ERC2: variants seen among roughly 807,000 people sequenced by gnomAD.
ERC2 encodes the protein ELKS/RAB6-interacting/CAST family member 2, also known as ERC protein 2.
Under a neutral mutation model 114.8 loss-of-function variants are expected in ERC2, and 42 were observed. The ratio of observed to expected loss-of-function variants is 0.37; its 90% CI spans 0.29 to 0.47. ERC2 has a LOEUF of 0.47. ERC2 is among the 20% of genes least tolerant of loss of function. ERC2 has a pLI of 0.99. For missense variants in ERC2, 939 were observed against 1,150.7 expected (o/e 0.82, Z 2.66); for synonymous variants, 454 against 425.5 (o/e 1.07, Z -0.82).
chr3:55,587,630 C>G (rs980472094), intron 17 of ERC2, among the ~76,000 whole-genome samples: 12 of 152,166 alleles, frequency 7.9e-5, no homozygotes, highest in African/African-American at 2.9e-4. Context: ...TTTAAACTTG[C>G]CTACTTACTG....
chr3:55,601,204 C>G (rs1048443344), intron 17 of ERC2, among the ~76,000 whole-genome samples: 2 of 152,018 alleles, frequency 1.3e-5, no homozygotes, highest in East Asian at 3.9e-4. Context: ...TTCCAAAAAC[C>G]CAGAAAGCCA....
intron 2 of ERC2, among the ~76,000 whole-genome samples, chr3:56,417,962 C>G (rs1171191518): frequency 1.3e-5 from 2 of 152,102 alleles, no homozygotes; most frequent in African/African-American, 4.8e-5. Context: ...TTGAGACTAT[C>G]CCATTTAGGT....
intron 17 of ERC2, among the ~76,000 whole-genome samples, chr3:55,593,617 C>T (rs960551531): frequency 2.8e-4 from 42 of 152,190 alleles, no homozygotes; most frequent in African/African-American, 1.0e-3. Flanking sequence ...ACTGATGACA[C>T]CTTTCCTCCC....
intron 7 of ERC2, among the ~76,000 whole-genome samples, chr3:56,026,756 C>T (rs1418303287): frequency 1.3e-5 from 2 of 152,182 alleles, no homozygotes; most frequent in Admixed American, 1.3e-4. Context: ...AGGGAATTGA[C>T]ATTGATACAA....
intron 3 of ERC2, among the ~76,000 whole-genome samples, chr3:56,185,762 T>C (rs2083558072): frequency 6.6e-6 from 1 of 152,166 alleles, no homozygotes; most frequent in Non-Finnish European, 1.5e-5. Flanking sequence ...TATTTGTAAT[T>C]AAGATTACAG....
chr3:55,624,606 T>C (rs1222514010), intron 17 of ERC2, among the ~76,000 whole-genome samples: 1 of 152,186 alleles, frequency 6.6e-6, no homozygotes, highest in Non-Finnish European at 1.5e-5. Flanking sequence ...TCTGACGGCA[T>C]GGGTCTGAGG....
chr3:55,535,252 C>T (rs955826144), intron 17 of ERC2, among the ~76,000 whole-genome samples: 2 of 152,008 alleles, frequency 1.3e-5, no homozygotes, highest in Admixed American at 1.3e-4. Context: ...GAGAAATATC[C>T]TCTGGAATAT....
At chr3:56,075,423 C>T (rs1385259810) in intron 7 of ERC2, among the ~76,000 whole-genome samples, 4 of 152,140 alleles carry the variant, frequency 2.6e-5, no homozygotes, top group African/African-American at 9.7e-5. Flanking sequence ...CTTAGGGCTG[C>T]CCTGGTTCTT....
chr3:56,138,053 T>TATGGTATTTC (rs1316221832), intron 6 of ERC2, among the ~76,000 whole-genome samples: 1 of 132,176 alleles, frequency 7.6e-6, no homozygotes, highest in African/African-American at 3.0e-5. Flanking sequence ...TGGTATTTCT[T>TATGGTATTTC]TTTTTTTTTT....
chr3:55,842,302 A>G (rs2061168598), intron 14 of ERC2, among the ~76,000 whole-genome samples: 1 of 152,124 alleles, frequency 6.6e-6, no homozygotes, highest in Admixed American at 6.5e-5. Context: ...TTAGACAACC[A>G]TGAGTGGCTC....
chr3:55,687,543 T>A (rs1259039474), intron 16 of ERC2, among the ~76,000 whole-genome samples: 1 of 152,142 alleles, frequency 6.6e-6, no homozygotes. Flanking sequence ...GCCTACTGCC[T>A]TTGTGGGAAC....
chr3:56,263,372 AAAG>A (rs2053076238), intron 3 of ERC2, among the ~76,000 whole-genome samples: 1 of 151,694 alleles, frequency 6.6e-6, no homozygotes. Context: ...AAAAAAAAAA[AAAG>A]CCATGAGAAT....
At chr3:55,533,494 T>A (rs1279843900) in intron 17 of ERC2, among the ~76,000 whole-genome samples, 1 of 152,172 alleles carries the variant, frequency 6.6e-6, no homozygotes, top group Non-Finnish European at 1.5e-5. Context: ...TACCTCCCTG[T>A]AAGGGGAGTG....
At chr3:56,185,907 C>T (rs1464636189) in intron 3 of ERC2, among the ~76,000 whole-genome samples, 1 of 151,768 alleles carries the variant, frequency 6.6e-6, no homozygotes, top group African/African-American at 2.4e-5. Context: ...GAGAGATTCT[C>T]AGTGTGAGAA....
At chr3:56,336,541 C>T (rs1047476111) in intron 2 of ERC2, among the ~76,000 whole-genome samples, 1 of 152,130 alleles carries the variant, frequency 6.6e-6, no homozygotes, top group African/African-American at 2.4e-5. Context: ...TGTCTGTAAC[C>T]CCAGCACTTT....
intron 2 of ERC2, among the ~76,000 whole-genome samples, chr3:56,311,018 A>C (rs1263208014): frequency 1.3e-5 from 2 of 151,900 alleles, no homozygotes; most frequent in South Asian, 4.2e-4. Flanking sequence ...TGTGTGATTA[A>C]TAAAGTCTGA....
At chr3:56,075,246 C>T (rs951244681) in intron 7 of ERC2, among the ~76,000 whole-genome samples, 1 of 152,116 alleles carries the variant, frequency 6.6e-6, no homozygotes, top group Non-Finnish European at 1.5e-5. Context: ...CAATGAGAGT[C>T]AGTTGTGTGA....
intron 4 of ERC2, among the ~76,000 whole-genome samples, chr3:56,164,814 C>T (rs555231915): frequency 1.3e-5 from 2 of 152,066 alleles, no homozygotes; most frequent in South Asian, 4.1e-4. Flanking sequence ...GTATTTAATG[C>T]TGGTTTTGAT....
intron 7 of ERC2, chr3:56,072,065 T>G (rs1028922858): frequency 2.0e-5 from 3 of 152,286 alleles, no homozygotes; most frequent in Non-Finnish European, 4.4e-5. Flanking sequence ...CTAGAACCCT[T>G]GGCATCACCT....
Sources: gnomAD v4.1 joint callset for allele counts (sites outside exome capture counted in the v4.1 genomes callset) on GRCh38, gnomAD v4.1.1 for gene constraint, MANE v1.5 for transcripts, NCBI Gene and HGNC (gene_info 2026-07-23, HGNC 2026-07-21) for gene names.